NDNF: variants seen among roughly 807,000 people sequenced by gnomAD.
NDNF encodes the protein protein NDNF.
NDNF carries 16 observed loss-of-function variants against 42.0 expected under a neutral mutation model. The ratio of observed to expected loss-of-function variants is 0.38; its 90% CI spans 0.26 to 0.58. The LOEUF is 0.58. Ranked by LOEUF, NDNF falls within the 20% of genes least tolerant of loss-of-function variation. The pLI, the probability that NDNF is intolerant of heterozygous loss-of-function variation, is 0.67. For synonymous variants in NDNF, 248 were observed against 251.7 expected (o/e 0.99, Z 0.14); for missense variants, 616 against 666.2 (o/e 0.92, Z 0.83).
intron 2 of NDNF, among the ~76,000 whole-genome samples, chr4:121,042,821 G>T (rs1328469112): frequency 6.6e-6 from 1 of 152,116 alleles, no homozygotes; most frequent in Non-Finnish European, 1.5e-5. Context: ...GTACAAGTTT[G>T]TCTATTACCT....
intron 1 of NDNF, among the ~76,000 whole-genome samples, chr4:121,065,345 G>T (rs1560610809): frequency 6.6e-6 from 1 of 151,236 alleles, no homozygotes; most frequent in Non-Finnish European, 1.5e-5. Context: ...AGGCAAGGAG[G>T]GCACCCCCTT....
At chr4:121,037,794 A>G (rs1323057379) in intron 3 of NDNF, 137 bp from the exon 4 acceptor site, 1 of 586,908 alleles carries the variant, frequency 1.7e-6, no homozygotes, top group African/African-American at 1.8e-5. Flanking sequence ...TTATAAATGT[A>G]TTCAAGATAA....
At chr4:121,052,951 C>G (rs955285627) in intron 1 of NDNF, among the ~76,000 whole-genome samples, 1 of 152,176 alleles carries the variant, frequency 6.6e-6, no homozygotes, top group Non-Finnish European at 1.5e-5. Flanking sequence ...GATTCCTGGT[C>G]TGCCCTGACG....
At chr4:121,056,349 C>CT (rs1465220563) in intron 1 of NDNF, among the ~76,000 whole-genome samples, 1 of 152,196 alleles carries the variant, frequency 6.6e-6, no homozygotes, top group Non-Finnish European at 1.5e-5. Context: ...AAGGAAGTGA[C>CT]TGGCAGCGTC....
At position 121,037,085 on chromosome 4, in the gene NDNF, T is replaced by C; in HGVS notation, c.886A>G (p.Lys296Glu). 1 of 1,613,906 alleles carries C rather than the reference T, an allele frequency of 6.2e-7. No homozygotes were observed. Among genetic ancestry groups the C allele is most frequent in the Non-Finnish European group, 8.5e-7 (1 of 1,179,996 alleles). Reference sequence around the variant, plus strand: ...AGATCAGAGACGGTGAAGATGTTCTTGTTTCCTATGCAGATTTTCTGAATA... The same window carrying C: ...AGATCAGAGACGGTGAAGATGTTCTCGTTTCCTATGCAGATTTTCTGAATA... Reference protein sequence around the residue: ...VDIQKICIGNKNIFTVSDLKP... With the variant: ...VDIQKICIGNENIFTVSDLKP... Residue 296 changes from lysine to glutamate, a missense_variant, in exon 4 of 4, where the codon AAG (lysine) becomes GAG (glutamate). Physicochemically the swap from Lys to Glu is moderately conservative, Grantham distance 56. Transcript: ENST00000379692.
intron 1 of NDNF, among the ~76,000 whole-genome samples, chr4:121,063,587 T>G (rs1727450579): frequency 6.6e-6 from 1 of 152,172 alleles, no homozygotes; most frequent in Non-Finnish European, 1.5e-5. Flanking sequence ...AGAGAAAATT[T>G]GACTTCAACA....
At position 121,039,178 on chromosome 4, in the gene NDNF, ATGTGTG is replaced by A. The variant is rs749717084; in HGVS notation, c.313+746_313+751del. On this transcript the variant is annotated intron_variant, in intron 3 of 3. Transcript: ENST00000379692. ...ATATGTATATATATATATAAAGACT[ATGTGTG>A]TGTGTGTGTATATATATATATATAT... Among the ~76,000 whole-genome samples the A allele has an allele frequency of 9.4e-3, 624 of 66,318 alleles. 4 individuals are homozygous for A. The highest frequency in any genetic ancestry group is 0.018 in the Middle Eastern group (2 of 110). The allele number at this position is 66,318 out of a possible 152,430, so 43.5% of individuals were successfully genotyped here.
chr4:121,051,513 G>A (rs973114438), intron 1 of NDNF, among the ~76,000 whole-genome samples: 1 of 152,076 alleles, frequency 6.6e-6, no homozygotes, highest in Non-Finnish European at 1.5e-5. Context: ...AAATTTAAAG[G>A]GAGTTTGAGT....
chr4:121,050,635 C>G (rs561542722), intron 1 of NDNF, among the ~76,000 whole-genome samples: 1 of 152,216 alleles, frequency 6.6e-6, no homozygotes, highest in South Asian at 2.1e-4. Flanking sequence ...CCCAAAAGAA[C>G]TTGGTAGTGT....
At chr4:121,053,060 C>T (rs1312995829) in intron 1 of NDNF, among the ~76,000 whole-genome samples, 2 of 152,118 alleles carry the variant, frequency 1.3e-5, no homozygotes, top group Non-Finnish European at 2.9e-5. Flanking sequence ...GTACAGAACT[C>T]GTGCACTAAA....
chr4:121,041,827 G>C (rs1727003840), intron 2 of NDNF, among the ~76,000 whole-genome samples: 1 of 152,164 alleles, frequency 6.6e-6, no homozygotes, highest in Non-Finnish European at 1.5e-5. Context: ...TTCAGGCAGA[G>C]AAAACCACAT....
In NDNF at chr4:121,040,140, A is replaced by T. The variant is rs201551540; in HGVS notation, c.189-86T>A. On this transcript the variant is annotated intron_variant, in intron 2 of 3. Coordinates refer to ENST00000379692, the MANE Select transcript of NDNF (RefSeq NM_024574.4). ...TTACCAGAAAAATCATTTGGTTTTAATTTTTTTTTCATTTTATAAATTTTA... is the reference window on the plus strand; with the variant it reads ...TTACCAGAAAAATCATTTGGTTTTATTTTTTTTTTCATTTTATAAATTTTA... 32 of 1,121,748 alleles carry T rather than the reference A, an allele frequency of 2.9e-5. No homozygotes were observed. In the Middle Eastern group the frequency reaches 8.9e-4, roughly 31 times the overall value. 69.5% of individuals were successfully genotyped at this position (1,121,748 alleles called of 1,614,324 possible).
At chr4:121,071,248 C>G (rs1471136589) in intron 1 of NDNF, among the ~76,000 whole-genome samples, 1 of 152,102 alleles carries the variant, frequency 6.6e-6, no homozygotes, top group Non-Finnish European at 1.5e-5. Flanking sequence ...GGGGGCGTCA[C>G]CTCGGTGGCC....
intron 1 of NDNF, among the ~76,000 whole-genome samples, chr4:121,049,045 G>T (rs1727144623): frequency 6.6e-6 from 1 of 152,064 alleles, no homozygotes; most frequent in South Asian, 2.1e-4. Context: ...AATACTATCT[G>T]ATGTAAAAAA....
intron 2 of NDNF, among the ~76,000 whole-genome samples, chr4:121,042,792 C>T (rs894363869): frequency 2.0e-5 from 3 of 152,148 alleles, no homozygotes; most frequent in Non-Finnish European, 4.4e-5. Context: ...AGCTAAGCAA[C>T]GGCACAGAAG....
At chr4:121,045,197 A>T (rs1198559935) in intron 2 of NDNF, among the ~76,000 whole-genome samples, 1 of 152,002 alleles carries the variant, frequency 6.6e-6, no homozygotes, top group African/African-American at 2.4e-5. Context: ...TTAAAAATAC[A>T]AAAAATTAGC....
At chr4:121,041,700 A>G (rs757736677) in intron 2 of NDNF, among the ~76,000 whole-genome samples, 13 of 152,204 alleles carry the variant, frequency 8.5e-5, no homozygotes, top group Non-Finnish European at 1.8e-4. Flanking sequence ...GGTATGGGAA[A>G]CTACTCATTA....
intron 1 of NDNF, among the ~76,000 whole-genome samples, chr4:121,054,997 G>GTTT (rs5861509): frequency 2.0e-5 from 3 of 148,664 alleles, no homozygotes; most frequent in African/African-American, 7.4e-5. Context: ...ACTCAGCTAG[G>GTTT]TTTTTTTTTT....
intron 1 of NDNF, among the ~76,000 whole-genome samples, chr4:121,048,642 A>G (rs953004690): frequency 6.6e-6 from 1 of 152,218 alleles, no homozygotes; most frequent in Non-Finnish European, 1.5e-5. Context: ...GTTTGAGACC[A>G]GCCTGGCCAA....
Sources: allele counts gnomAD v4.1 joint callset (sites outside exome capture counted in the v4.1 genomes callset), GRCh38; gene constraint gnomAD v4.1.1; transcripts MANE v1.5; gene names NCBI Gene and HGNC (gene_info 2026-07-23, HGNC 2026-07-21).